The following ESPL1 variants were observed in gnomAD, a reference collection of about 807,000 sequenced individuals.
ESPL1 encodes the protein extra spindle pole bodies like 1, separase, also known as separin.
ESPL1 carries 50 observed loss-of-function variants against 217.2 expected under a neutral mutation model. The ratio of observed to expected loss-of-function variants is 0.23; its 90% CI spans 0.18 to 0.29. The LOEUF is 0.29. Ranked by LOEUF, ESPL1 falls within the 10% of genes least tolerant of loss-of-function variation. The pLI, the probability that ESPL1 is intolerant of heterozygous loss-of-function variation, is 1.00. For missense variants in ESPL1, 1,834 were observed against 2,603.0 expected, an observed-to-expected ratio of 0.70 and a Z score of 6.43; for synonymous variants, 994 against 1,081.3, an observed-to-expected ratio of 0.92 and a Z score of 1.58.
In ESPL1 at chr12:53,284,051, C is replaced by T. The variant is rs1296300062; in HGVS notation, c.3078-7C>T. ...TCTGATTGGTTCTCCTCTCCTCTCTCAACAAGGTGTGCCCTGTTCCTGGTG... is the reference window on the plus strand; with the variant it reads ...TCTGATTGGTTCTCCTCTCCTCTCTTAACAAGGTGTGCCCTGTTCCTGGTG... On this transcript the variant is annotated splice_polypyrimidine_tract_variant and splice_region_variant and intron_variant, in intron 16 of 30. Coordinates refer to ENST00000257934, the MANE Select transcript of ESPL1 (RefSeq NM_012291.5). The T allele has an allele frequency of 1.3e-6, 2 of 1,597,486 alleles. No homozygotes were observed. Among genetic ancestry groups the T allele is most frequent in the Non-Finnish European group, 1.7e-6 (2 of 1,165,024 alleles).
Position 53,270,043 on chromosome 12 carries a change from T to G in ESPL1, c.1101T>G (p.Leu367=). ...CCATTCTGAGCCTCTTTGCTTTTCT[T>G]GGAGGGTACTGCTCTCTTCTGCAGC... is the stretch of plus-strand genomic sequence containing the variant. ...LDAILSLFAF[L]GGYCSLLQQL... Residue 367 remains leucine (L), a synonymous_variant, in exon 3 of 31, where the codon CTT becomes CTG. Coordinates refer to ENST00000257934, the MANE Select transcript of ESPL1 (RefSeq NM_012291.5). 6.2e-7 allele frequency: 1 copy of G among 1,613,948 alleles called. No homozygotes were observed. Among genetic ancestry groups the G allele is most frequent in the Middle Eastern group, 1.7e-4 (1 of 6,044 alleles).
rs374663728 is a variant in ESPL1, at chr12:53,272,634, A to C, written c.1370-87A>C. On this transcript the variant is annotated intron_variant, in intron 5 of 30. Coordinates refer to ENST00000257934, the MANE Select transcript of ESPL1 (RefSeq NM_012291.5). Reference sequence around the variant, plus strand: ...ATCTGGAAGCTGCTGAACTGACCACAGATCCAGCTGATCTCTGCTGCCTCT... The same window carrying C: ...ATCTGGAAGCTGCTGAACTGACCACCGATCCAGCTGATCTCTGCTGCCTCT... 9.6e-5 allele frequency: 143 copies of C among 1,484,278 alleles called. 2 individuals are homozygous for C. In the South Asian group the frequency reaches 1.2e-3, roughly 13 times the overall value. 91.9% of individuals were successfully genotyped at this position (1,484,278 alleles called of 1,614,324 possible).
chr12:53,272,773 C>T lies in ESPL1; in HGVS notation c.1422C>T (p.Ala474=), dbSNP rs1344596932. The change falls in exon 6 of 31, where the codon GCC becomes GCT. Residue 474 remains alanine, a synonymous_variant. Transcript: ENST00000257934. Reference sequence around the variant, plus strand: ...GCTTCTATAGTCACAAGCTCTATGCCGAGGCCTGTGCCATCTCTGAGCCGC... The same window carrying T: ...GCTTCTATAGTCACAAGCTCTATGCTGAGGCCTGTGCCATCTCTGAGCCGC... ...AYSFYSHKLY[A]EACAISEPLC... is the part of the protein sequence containing the mutation. The T allele has an allele frequency of 2.5e-6, 4 of 1,614,112 alleles. No homozygotes were observed. Among genetic ancestry groups the T allele is most frequent in the Non-Finnish European group, 3.4e-6 (4 of 1,180,026 alleles).
At position 53,286,618 on chromosome 12, in the gene ESPL1, G is replaced by T. The variant is rs373537189; in HGVS notation, c.3882G>T (p.Trp1294Cys). The stretch of plus-strand genomic sequence containing the variant: ...AACTTTTTGCAAGCTCCTGGGGCTG[G>T]CAGCCACCATTAATAAAAAGTGTCC... ...TTQLFASSWG[W>C]QPPLIKSVPG... The change falls in exon 18 of 31, where the codon TGG becomes TGT. Residue 1294 changes from tryptophan (W) to cysteine (C), a missense_variant. Physicochemically the swap from Trp to Cys is radical, Grantham distance 215. Coordinates refer to ENST00000257934, the MANE Select transcript of ESPL1 (RefSeq NM_012291.5). The surrounding 1 kb of genome is among the most constrained non-coding windows in gnomAD (Gnocchi z 5.3). 13 of 1,614,014 alleles carry T rather than the reference G, an allele frequency of 8.1e-6. No homozygotes were observed. Among genetic ancestry groups the T allele is most frequent in the Admixed American group, 1.7e-5 (1 of 60,002 alleles).
rs377322721 is a variant in ESPL1 at position 53,275,038 on chromosome 12, C to T, written c.1700+28C>T. On this transcript the variant is annotated intron_variant, in intron 7 of 30. Transcript: ENST00000257934. ...GAGTTGAGGGCCAGACGCAGTGGCT[C>T]ATGCTTGTAATCCCAGCACTTTGGG... 29 of 1,487,556 alleles carry T rather than the reference C, an allele frequency of 1.9e-5. No homozygotes were observed. In the East Asian group the frequency reaches 2.7e-4, roughly 14 times the overall value. 92.1% of individuals were successfully genotyped at this position (1,487,556 alleles called of 1,614,324 possible).
chr12:53,275,322 G>A (rs1004125243), intron 7 of ESPL1, among the ~76,000 whole-genome samples: 6 of 152,066 alleles, frequency 3.9e-5, no homozygotes, highest in East Asian at 1.9e-4. Context: ...TTAGCTGGGC[G>A]TGGTGGCGGG....
chr12:53,281,356 C>T, intron 12 of ESPL1, 151 bp from the exon 13 acceptor site: 1 of 643,648 alleles, frequency 1.6e-6, no homozygotes, highest in South Asian at 1.8e-5. Flanking sequence ...CCAGGCTGGT[C>T]TTGAACTCCT....
At chr12:53,291,296 CAA>C (rs1297902095) in intron 25 of ESPL1, among the ~76,000 whole-genome samples, 18 of 101,758 alleles carry the variant, frequency 1.8e-4, no homozygotes, top group African/African-American at 1.1e-4. Context: ...GACTCCATCT[CAA>C]AAAAAAAAAA....
At chr12:53,279,626 C>A in intron 11 of ESPL1, 106 bp from the exon 12 acceptor site, 5 of 1,202,564 alleles carry the variant, frequency 4.2e-6, no homozygotes, top group Non-Finnish European at 4.8e-6. Context: ...TCCACCCAGG[C>A]CCTGAGGTCA....
At chr12:53,290,758 T>TA in intron 24 of ESPL1, 83 bp from the exon 25 acceptor site, 3 of 390,002 alleles carry the variant, frequency 7.7e-6, no homozygotes, top group Non-Finnish European at 9.2e-6. Flanking sequence ...GGAAAACGCA[T>TA]TTTCTCATCT....
chr12:53,290,547 C>T (rs1944036602), intron 24 of ESPL1, 78 bp downstream of exon 24: 2 of 1,529,922 alleles, frequency 1.3e-6, no homozygotes, highest in African/African-American at 1.4e-5. Context: ...ACCAGACGGC[C>T]TGGGTCAGTG....
intron 3 of ESPL1, 127 bp from the exon 4 acceptor site, chr12:53,270,251 G>A: frequency 1.1e-6 from 1 of 930,074 alleles, no homozygotes. Flanking sequence ...AGAGGGCAGT[G>A]GCCCTTCTGG....
At chr12:53,276,478 A>C in intron 7 of ESPL1, 142 bp from the exon 8 acceptor site, 1 of 911,654 alleles carries the variant, frequency 1.1e-6, no homozygotes, top group South Asian at 1.8e-5. Flanking sequence ...CAGAGGAGCA[A>C]TGCAATCTGA....
At position 53,269,821 on chromosome 12, in the gene ESPL1, A is replaced by G. The variant is rs185086672; in HGVS notation, c.879A>G (p.Leu293=). 109 of 1,614,186 alleles carry G rather than the reference A, an allele frequency of 6.8e-5. No homozygotes were observed. The East Asian group carries it at 2.0e-3, about 30-fold the overall frequency. ...RNTNLAPSLQ[L]CQLGVKLLQV... Reference sequence around the variant, plus strand: ...CCAATCTAGCCCCTAGCCTTCAGCTATGTCAGCTGGGGGTTAAGCTGCTGC... The same window carrying G: ...CCAATCTAGCCCCTAGCCTTCAGCTGTGTCAGCTGGGGGTTAAGCTGCTGC... Residue 293 remains leucine, a synonymous_variant, in exon 3 of 31, where the codon CTA becomes CTG. Coordinates refer to ENST00000257934, the MANE Select transcript of ESPL1 (RefSeq NM_012291.5). The surrounding 1 kb of genome is among the most constrained non-coding windows in gnomAD (Gnocchi z 6.7).
intron 6 of ESPL1, among the ~76,000 whole-genome samples, chr12:53,273,836 GTTTTTTTTTTTTTTTT>G (rs71096001): frequency 2.4e-4 from 15 of 63,152 alleles, no homozygotes; most frequent in African/African-American, 5.5e-4. Flanking sequence ...TGGTTTTTTG[GTTTTTTTTTTTTTTTT>G]TTTTTTTTTT....
intron 25 of ESPL1, among the ~76,000 whole-genome samples, 170 bp downstream of exon 25, chr12:53,291,166 G>A (rs908540111): frequency 3.3e-5 from 5 of 152,184 alleles, no homozygotes; most frequent in Non-Finnish European, 7.3e-5. Context: ...GCTGGGCATG[G>A]TGGCAGGCAC....
Position 53,288,193 on chromosome 12 carries a change from T to G in ESPL1, c.4398T>G (p.Cys1466Trp), listed in dbSNP as rs1262513404. 33 of 1,611,350 alleles carry G rather than the reference T, an allele frequency of 2.0e-5. No individual in the cohort carries two copies. The highest frequency in any genetic ancestry group is 4.0e-5 in the African/African-American group (3 of 74,902). Residue 1466 changes from cysteine to tryptophan, a missense_variant, in exon 19 of 31, where the codon TGT (cysteine) becomes TGG (tryptophan). Transcript: ENST00000257934. Reference sequence around the variant, plus strand: ...CCAAGAAGGTGGCATCAAGACATTGTGAGGAGCGGCGTCCCCAGAGGGCCA... The same window carrying G: ...CCAAGAAGGTGGCATCAAGACATTGGGAGGAGCGGCGTCCCCAGAGGGCCA... ...RRAKKVASRHCEERRPQRASD... is the reference protein window; with the variant it reads ...RRAKKVASRHWEERRPQRASD...
intron 25 of ESPL1, 37 bp downstream of exon 25, chr12:53,291,033 TG>T: frequency 6.5e-7 from 1 of 1,534,468 alleles, no homozygotes; most frequent in Non-Finnish European, 8.8e-7. Context: ...CCAGGCCCAG[TG>T]GCTTGCACCT....
rs774107859 is a variant in ESPL1 at position 53,283,556 on chromosome 12, G to C, written c.3077+18G>C. On this transcript the variant is annotated intron_variant, in intron 16 of 30. Transcript: ENST00000257934. ...CCACGCCAGTAAGTACAGGGCCAGA[G>C]GATATGGCAATGATGGCACCAAAGT... 2.8e-5 allele frequency: 45 copies of C among 1,606,852 alleles called. No homozygotes were observed. The highest frequency in any genetic ancestry group is 3.2e-5 in the Non-Finnish European group (38 of 1,176,512).
Sources: gnomAD v4.1 joint callset for allele counts (sites outside exome capture counted in the v4.1 genomes callset) on GRCh38, gnomAD v4.1.1 for gene constraint, Gnocchi (gnomAD v3.1) non-coding constraint, MANE v1.5 for transcripts, NCBI Gene and HGNC (gene_info 2026-07-23, HGNC 2026-07-21) for gene names.